Variants in FAM53A observed in about 807,000 individuals in gnomAD.
FAM53A encodes protein FAM53A.
A neutral mutation model predicts 26.6 loss-of-function variants in FAM53A; 28 were observed. That is an observed-to-expected ratio of 1.05 (90% CI 0.78 to 1.45). The LOEUF is 1.45. Among genes scored for constraint, FAM53A ranks in the 40% most tolerant of loss-of-function variants. The pLI, the probability that FAM53A is intolerant of heterozygous loss-of-function variation, is 0.00. For missense variants in FAM53A, 650 were observed against 575.8 expected (o/e 1.13, Z -1.32); for synonymous variants, 290 against 253.1 (o/e 1.15, Z -1.38).
At chr4:1,589,194 A>G in the FAM53A span, among the ~76,000 whole-genome samples, 1 of 152,268 alleles carries the variant, frequency 6.6e-6, no homozygotes, top group Non-Finnish European at 1.5e-5. Context: ...AACAATAAAT[A>G]GAGATCCAGT....
At chr4:1,585,604 T>C in the FAM53A span, among the ~76,000 whole-genome samples, 7 of 152,036 alleles carry the variant, frequency 4.6e-5, no homozygotes, top group Non-Finnish European at 8.8e-5. Context: ...ACCCTCTACA[T>C]CTCAGTTCAA....
intron 2 of FAM53A, among the ~76,000 whole-genome samples, chr4:1,666,417 C>G (rs76791726): frequency 6.8e-6 from 1 of 146,506 alleles, no homozygotes; most frequent in Non-Finnish European, 1.5e-5. Flanking sequence ...CCTGTACCCC[C>G]CTGTATCTAA....
intron 3 of FAM53A, among the ~76,000 whole-genome samples, chr4:1,656,290 C>T (rs1713374240): frequency 6.6e-6 from 1 of 152,224 alleles, no homozygotes; most frequent in Non-Finnish European, 1.5e-5. Context: ...GCACAACTGT[C>T]CTGGGGTTGC....
chr4:1,654,650 CG>C (rs928411973), intron 4 of FAM53A, among the ~76,000 whole-genome samples: 2 of 152,198 alleles, frequency 1.3e-5, no homozygotes, highest in Non-Finnish European at 2.9e-5. Flanking sequence ...GCAGCTGAGG[CG>C]GGGGGCGGCT....
chr4:1,609,857 G>A, the FAM53A span, among the ~76,000 whole-genome samples: 1 of 152,052 alleles, frequency 6.6e-6, no homozygotes, highest in Non-Finnish European at 1.5e-5. Flanking sequence ...CAGCTACTCG[G>A]GAGGCTAAGG....
chr4:1,662,433 C>T (rs1211893124), intron 2 of FAM53A, among the ~76,000 whole-genome samples: 3 of 141,176 alleles, frequency 2.1e-5, no homozygotes, highest in South Asian at 2.3e-4. Context: ...GAGCCAAGAT[C>T]GCACCACTGC....
At chr4:1,629,390 C>G (rs773205566) in intron 1 of FAM53A, among the ~76,000 whole-genome samples, 1 of 152,208 alleles carries the variant, frequency 6.6e-6, no homozygotes, top group Non-Finnish European at 1.5e-5. Context: ...CCAGGGAAAG[C>G]GGAGCCTGGG....
At chr4:1,628,895 G>T (rs1412651080) in intron 1 of FAM53A, among the ~76,000 whole-genome samples, 1 of 151,694 alleles carries the variant, frequency 6.6e-6, no homozygotes, top group Non-Finnish European at 1.5e-5. Context: ...CCCACTGCAG[G>T]GTCCCCTACT....
chr4:1,577,708 C>T, the FAM53A span, among the ~76,000 whole-genome samples: 1 of 152,200 alleles, frequency 6.6e-6, no homozygotes, highest in South Asian at 2.1e-4. Context: ...TAATTATGCG[C>T]GGCGCTCTTG....
chr4:1,585,983 C>T, the FAM53A span, among the ~76,000 whole-genome samples: 11 of 151,424 alleles, frequency 7.3e-5, no homozygotes, highest in Admixed American at 1.3e-4. Flanking sequence ...GCAATCCTCC[C>T]GCCTCAGCCT....
chr4:1,586,958 T>C, the FAM53A span, among the ~76,000 whole-genome samples: 8 of 152,228 alleles, frequency 5.3e-5, no homozygotes, highest in Non-Finnish European at 1.2e-4. Flanking sequence ...GATATCTCAC[T>C]GGGATTTTGA....
Position 1,668,832 on chromosome 4 carries a change from C to T in FAM53A, c.-91G>A, listed in dbSNP as rs1333965568. 2 of 1,249,098 alleles carry T rather than the reference C, an allele frequency of 1.6e-6. No homozygotes were observed. The highest frequency in any genetic ancestry group is 2.3e-6 in the Non-Finnish European group (2 of 862,834). 77.4% of individuals were successfully genotyped at this position (1,249,098 alleles called of 1,614,324 possible). ...AAGGCCCCAGCATTGCTGGGTCAGC[C>T]AAATCTCAAGGTCATGTCTCCACTT... On this transcript the variant is annotated 5_prime_UTR_variant, in exon 2 of 5. Coordinates refer to ENST00000308132, the MANE Select transcript of FAM53A (RefSeq NM_001174070.3).
intron 1 of FAM53A, among the ~76,000 whole-genome samples, chr4:1,622,722 G>A (rs929465795): frequency 2.0e-5 from 3 of 152,192 alleles, no homozygotes; most frequent in African/African-American, 4.8e-5. Flanking sequence ...CTGGGCCCAG[G>A]CTGGGAGTCA....
chr4:1,638,288 C>T (rs1041738893), downstream of FAM53A, among the ~76,000 whole-genome samples: 5 of 150,812 alleles, frequency 3.3e-5, no homozygotes, highest in East Asian at 3.9e-4. Flanking sequence ...TGAGCTCACT[C>T]GCACACACAC....
At chr4:1,622,748 C>T (rs1480045973) in intron 1 of FAM53A, among the ~76,000 whole-genome samples, 2 of 152,188 alleles carry the variant, frequency 1.3e-5, no homozygotes, top group Admixed American at 1.3e-4. Context: ...TGCCCGCAGC[C>T]ATCTCTGCCT....
rs551953884 is a variant in FAM53A, at chr4:1,632,115, G to C, written c.432-14004C>G. ...GTAGGTGGAGGTCGCAGTGAGCTGA[G>C]ATTACTCCACTGCACTCCAGCCTGG... On this transcript the variant is annotated intron_variant, in intron 1 of 1. Transcript: ENST00000489029. 5.6e-5 allele frequency among the ~76,000 whole-genome samples: 8 copies of C among 142,780 alleles called. No homozygotes were observed. The South Asian group carries it at 1.8e-3, about 31-fold the overall frequency. 93.7% of individuals were successfully genotyped at this position (142,780 alleles called of 152,430 possible). A position where few individuals can be genotyped will look rare whatever the true frequency, so the allele number is the denominator to read the frequency against.
chr4:1,672,466 C>G (rs938595115), intron 1 of FAM53A, among the ~76,000 whole-genome samples: 1 of 152,176 alleles, frequency 6.6e-6, no homozygotes, highest in Non-Finnish European at 1.5e-5. Context: ...TGGTGGGGAG[C>G]CACTAGTGAG....
At chr4:1,580,084 T>A in the FAM53A span, 1 of 152,256 alleles carries the variant, frequency 6.6e-6, no homozygotes, top group Non-Finnish European at 1.5e-5. Flanking sequence ...AAGTGCATTT[T>A]AAAATGTTCC....
chr4:1,577,930 CGGGGGTGCAGGTGGGGGGCTGT>C, the FAM53A span, among the ~76,000 whole-genome samples: 1 of 48,970 alleles, frequency 2.0e-5, no homozygotes, highest in African/African-American at 7.7e-5. Context: ...TGAGGGGCTG[CGGGGGTGCAGGTGGGGGGCTGT>C]GGGGGTGCTG....
Sources: allele counts gnomAD v4.1 joint callset (sites outside exome capture counted in the v4.1 genomes callset), GRCh38; gene constraint gnomAD v4.1.1; transcripts MANE v1.5; gene names NCBI Gene and HGNC (gene_info 2026-07-23, HGNC 2026-07-21).